The following PITPNC1 variants were observed in gnomAD, a reference collection of about 807,000 sequenced individuals.
PITPNC1 encodes phosphatidylinositol transfer protein cytoplasmic 1, also known as cytoplasmic phosphatidylinositol transfer protein 1.
A neutral mutation model predicts 44.7 loss-of-function variants in PITPNC1; 18 were observed. The observed-to-expected ratio is 0.40, with a 90% CI of 0.28 to 0.60. The LOEUF (loss-of-function observed/expected upper bound fraction) is 0.60, where lower values mean the gene tolerates loss of function less well. Ranked by LOEUF, PITPNC1 falls within the 20% of genes least tolerant of loss-of-function variation. The probability of loss-of-function intolerance (pLI) is 0.39; values close to 1 mark genes in which losing one functional copy is unlikely to be tolerated. For missense variants in PITPNC1, 290 were observed against 418.4 expected (o/e 0.69, Z 2.68); for synonymous variants, 141 against 149.6 (o/e 0.94, Z 0.42).
intron 5 of PITPNC1, among the ~76,000 whole-genome samples, chr17:67,621,709 C>A (rs1040909986): frequency 6.6e-6 from 1 of 152,120 alleles, no homozygotes; most frequent in South Asian, 2.1e-4. Context: ...GGTGGGCATT[C>A]GGCCTCTTCA....
intron 2 of PITPNC1, among the ~76,000 whole-genome samples, chr17:67,537,789 G>A (rs1237691477): frequency 7.0e-6 from 1 of 143,006 alleles, no homozygotes; most frequent in Non-Finnish European, 1.5e-5. Flanking sequence ...GGCTAATATG[G>A]TGGAACCCCG....
At chr17:67,581,412 C>G (rs1463864618) in intron 5 of PITPNC1, among the ~76,000 whole-genome samples, 1 of 152,240 alleles carries the variant, frequency 6.6e-6, no homozygotes, top group African/African-American at 2.4e-5. Flanking sequence ...GCTTGCCTCC[C>G]TCTCCCCAGA....
chr17:67,409,200 T>G (rs1434300833), intron 1 of PITPNC1, among the ~76,000 whole-genome samples: 1 of 148,584 alleles, frequency 6.7e-6, no homozygotes, highest in Non-Finnish European at 1.5e-5. Flanking sequence ...TTCTCCTGCC[T>G]CAGCCTCCCG....
intron 5 of PITPNC1, chr17:67,612,672 C>CGAAT (rs1555673328): frequency 4.1e-5 from 6 of 147,236 alleles, no homozygotes; most frequent in South Asian, 2.2e-4. Flanking sequence ...GATGGATGGG[C>CGAAT]GGATGGATGG....
chr17:67,419,152 G>T (rs540025004), intron 1 of PITPNC1, among the ~76,000 whole-genome samples: 1 of 142,408 alleles, frequency 7.0e-6, no homozygotes, highest in African/African-American at 2.7e-5. Flanking sequence ...AAGCATGCTT[G>T]GGGGAGAAGG....
At chr17:67,615,945 T>C (rs2041752394) in intron 5 of PITPNC1, among the ~76,000 whole-genome samples, 1 of 152,054 alleles carries the variant, frequency 6.6e-6, no homozygotes, top group South Asian at 2.1e-4. Flanking sequence ...AGAGGAGAAT[T>C]CGGACTGAGG....
Position 67,598,997 on chromosome 17 carries a change from A to AATAC in PITPNC1, c.366+20744_366+20747dup, listed in dbSNP as rs1410256347. On this transcript the variant is annotated intron_variant, in intron 5 of 8. Coordinates refer to ENST00000581322, the MANE Select transcript of PITPNC1 (RefSeq NM_012417.4). Reference sequence around the variant, plus strand: ...CTTCTCAGCCCCCAAAACTATAAGAAATACATATATATATATATATATATA... The same window carrying AATAC: ...CTTCTCAGCCCCCAAAACTATAAGAAATACATACATATATATATATATATATATA... Among the ~76,000 whole-genome samples, 80 of 46,938 alleles carry AATAC rather than the reference A, an allele frequency of 1.7e-3. 1 individual carries two copies. The highest frequency in any genetic ancestry group is 5.4e-3 in the East Asian group (11 of 2,048). 30.8% of individuals were successfully genotyped at this position (46,938 alleles called of 152,430 possible).
chr17:67,452,076 T>C (rs1267363685), intron 1 of PITPNC1, among the ~76,000 whole-genome samples: 1 of 151,868 alleles, frequency 6.6e-6, no homozygotes, highest in East Asian at 2.0e-4. Context: ...GCAATCACAG[T>C]TCACTGCAGC....
At chr17:67,590,963 AAAAGAAAG>A (rs1347199654) in intron 5 of PITPNC1, among the ~76,000 whole-genome samples, 4 of 151,768 alleles carry the variant, frequency 2.6e-5, no homozygotes, top group Non-Finnish European at 5.9e-5. Flanking sequence ...CAAAAAAAAA[AAAAGAAAG>A]AAAGAAAGAA....
chr17:67,579,070 A>G (rs1467452931), intron 5 of PITPNC1, among the ~76,000 whole-genome samples: 1 of 152,258 alleles, frequency 6.6e-6, no homozygotes, highest in East Asian at 1.9e-4. Context: ...CGGTGTATGT[A>G]TACACCCACA....
chr17:67,673,892 A>G (rs1163743383), intron 7 of PITPNC1, among the ~76,000 whole-genome samples: 1 of 150,266 alleles, frequency 6.7e-6, no homozygotes, highest in Non-Finnish European at 1.5e-5. Flanking sequence ...CGGAGGTTAC[A>G]GTGAGCCGAG....
At chr17:67,591,454 C>T (rs528599026) in intron 5 of PITPNC1, among the ~76,000 whole-genome samples, 34 of 152,194 alleles carry the variant, frequency 2.2e-4, no homozygotes, top group Non-Finnish European at 3.7e-4. Flanking sequence ...TAATTTTGAT[C>T]GTTGTTTTGT....
chr17:67,521,244 A>G (rs976910581), intron 1 of PITPNC1, among the ~76,000 whole-genome samples: 5 of 152,236 alleles, frequency 3.3e-5, no homozygotes, highest in Admixed American at 6.5e-5. Context: ...CAGGTTAAGC[A>G]TCAGCGTCCA....
At chr17:67,568,267 C>T (rs1020137263) in intron 4 of PITPNC1, among the ~76,000 whole-genome samples, 1 of 152,144 alleles carries the variant, frequency 6.6e-6, no homozygotes, top group Admixed American at 6.5e-5. Context: ...ATATGATACA[C>T]TTCCATTTGT....
chr17:67,458,865 C>G (rs1406069329), intron 1 of PITPNC1, among the ~76,000 whole-genome samples: 1 of 152,148 alleles, frequency 6.6e-6, no homozygotes, highest in East Asian at 1.9e-4. Context: ...TCAGGAGTGT[C>G]ACTGCCTTGG....
chr17:67,388,489 T>C lies in PITPNC1; in HGVS notation c.48+10287T>C, dbSNP rs562310318. On this transcript the variant is annotated intron_variant, in intron 1 of 8. Transcript: ENST00000581322. ...GGTGCCCACCACCACGCCCGGCTAA[T>C]TTTTGTATTTTTAGTAGAGACGAGG... Among the ~76,000 whole-genome samples the C allele has an allele frequency of 1.1e-4, 16 of 152,016 alleles. No homozygotes were observed. In the South Asian group the frequency reaches 3.1e-3, roughly 30 times the overall value.
chr17:67,690,470 G>GAA (rs2042903712), intron 8 of PITPNC1, among the ~76,000 whole-genome samples: 1 of 141,930 alleles, frequency 7.0e-6, no homozygotes, highest in Non-Finnish European at 1.6e-5. Flanking sequence ...AAAAGAAAAA[G>GAA]AAAAGTCCTA....
At chr17:67,410,483 G>A (rs987517924) in intron 1 of PITPNC1, among the ~76,000 whole-genome samples, 5 of 152,024 alleles carry the variant, frequency 3.3e-5, no homozygotes, top group Non-Finnish European at 7.4e-5. Flanking sequence ...TCCCAATCCC[G>A]AGTGATCCTC....
chr17:67,420,666 A>C (rs542667143), intron 1 of PITPNC1, among the ~76,000 whole-genome samples: 1 of 152,154 alleles, frequency 6.6e-6, no homozygotes, highest in Non-Finnish European at 1.5e-5. Context: ...TCCTGGCCTC[A>C]AGTAAACTGC....
Sources: allele counts gnomAD v4.1 joint callset (sites outside exome capture counted in the v4.1 genomes callset), GRCh38; gene constraint gnomAD v4.1.1; transcripts MANE v1.5; gene names NCBI Gene and HGNC (gene_info 2026-07-23, HGNC 2026-07-21).